Variants in SLC24A3 observed in about 807,000 individuals in gnomAD.
SLC24A3 encodes solute carrier family 24 member 3.
SLC24A3 carries 28 observed loss-of-function variants against 75.8 expected under a neutral mutation model. That is an observed-to-expected ratio of 0.37 (90% CI 0.27 to 0.51). The LOEUF (loss-of-function observed/expected upper bound fraction) is 0.51. SLC24A3 is among the 20% of genes least tolerant of loss of function. The pLI, the probability that SLC24A3 is intolerant of heterozygous loss-of-function variation, is 0.94. For missense variants in SLC24A3, 663 were observed against 847.8 expected (o/e 0.78, Z 2.71); for synonymous variants, 372 against 334.1 (o/e 1.11, Z -1.24).
At chr20:19,298,269 C>A (rs746970543) in intron 2 of SLC24A3, among the ~76,000 whole-genome samples, 1 of 152,222 alleles carries the variant, frequency 6.6e-6, no homozygotes, top group Non-Finnish European at 1.5e-5. Flanking sequence ...GGAATACGAT[C>A]GTCATTTTTT....
chr20:19,435,492 TA>T (rs1472928423), intron 2 of SLC24A3, among the ~76,000 whole-genome samples: 1 of 152,246 alleles, frequency 6.6e-6, no homozygotes, highest in Non-Finnish European at 1.5e-5. Flanking sequence ...ATCTGCCCAC[TA>T]AAATGTTAGG....
At chr20:19,658,049 G>A (rs1381396259) in intron 7 of SLC24A3, among the ~76,000 whole-genome samples, 1 of 152,102 alleles carries the variant, frequency 6.6e-6, no homozygotes, top group East Asian at 1.9e-4. Flanking sequence ...TGTAACTGTC[G>A]GTGTCCTGAG....
intron 2 of SLC24A3, among the ~76,000 whole-genome samples, chr20:19,420,420 G>C (rs1228636060): frequency 7.7e-6 from 1 of 130,454 alleles, no homozygotes; most frequent in East Asian, 2.4e-4. Flanking sequence ...TTCCACAATG[G>C]TTGAACTAGT....
At chr20:19,686,974 T>C (rs1331242233) in intron 12 of SLC24A3, among the ~76,000 whole-genome samples, 1 of 152,260 alleles carries the variant, frequency 6.6e-6, no homozygotes, top group Non-Finnish European at 1.5e-5. Context: ...AAGGATTAAA[T>C]GGCAAAACAC....
chr20:19,651,035 T>G (rs1195090557), intron 6 of SLC24A3, among the ~76,000 whole-genome samples: 2 of 152,158 alleles, frequency 1.3e-5, no homozygotes, highest in Non-Finnish European at 2.9e-5. Flanking sequence ...TTCTAAATTC[T>G]CCCTTCACTG....
intron 2 of SLC24A3, among the ~76,000 whole-genome samples, chr20:19,337,510 T>C (rs1247217487): frequency 6.6e-6 from 1 of 152,112 alleles, no homozygotes; most frequent in Non-Finnish European, 1.5e-5. Context: ...CACATGGTAG[T>C]TCTTCTTGAA....
chr20:19,280,838 T>C, intron 1 of SLC24A3, 121 bp from the exon 2 acceptor site: 1 of 1,387,934 alleles, frequency 7.2e-7, no homozygotes, highest in Non-Finnish European at 9.8e-7. Context: ...AGAGGCAGAG[T>C]GGCTGGGGGT....
chr20:19,430,532 C>G (rs777009205), intron 2 of SLC24A3, among the ~76,000 whole-genome samples: 40 of 152,158 alleles, frequency 2.6e-4, no homozygotes, highest in South Asian at 2.3e-3. Context: ...AATTTAAAAA[C>G]AGAACGTGGA....
At chr20:19,448,287 T>C (rs1987420157) in intron 2 of SLC24A3, among the ~76,000 whole-genome samples, 1 of 152,272 alleles carries the variant, frequency 6.6e-6, no homozygotes, top group Non-Finnish European at 1.5e-5. Context: ...ATAGCTACTA[T>C]GTATCGGGTA....
intron 3 of SLC24A3, among the ~76,000 whole-genome samples, chr20:19,564,494 G>A (rs193299887): frequency 1.0e-3 from 155 of 151,930 alleles, no homozygotes; most frequent in Middle Eastern, 6.8e-3. Context: ...AATCACTATC[G>A]TCACCATCAT....
At chr20:19,455,411 C>G (rs1031507909) in intron 2 of SLC24A3, among the ~76,000 whole-genome samples, 1 of 152,214 alleles carries the variant, frequency 6.6e-6, no homozygotes, top group African/African-American at 2.4e-5. Flanking sequence ...TCCCATGTTG[C>G]CTCAGCCTAC....
chr20:19,693,552 C>A, intron 13 of SLC24A3, 127 bp downstream of exon 13: 1 of 1,202,746 alleles, frequency 8.3e-7, no homozygotes, highest in Non-Finnish European at 1.1e-6. Flanking sequence ...CACAACGAAC[C>A]ACTCCTAAAC....
intron 7 of SLC24A3, among the ~76,000 whole-genome samples, chr20:19,655,426 A>G (rs999901363): frequency 1.3e-5 from 2 of 152,168 alleles, no homozygotes; most frequent in Non-Finnish European, 2.9e-5. Flanking sequence ...TGGGAAGAAC[A>G]TTGAAATAGG....
At chr20:19,547,731 C>A (rs1438126313) in intron 3 of SLC24A3, among the ~76,000 whole-genome samples, 1 of 152,256 alleles carries the variant, frequency 6.6e-6, no homozygotes, top group Non-Finnish European at 1.5e-5. Context: ...CTGAGCCCAG[C>A]TCAGATGCAG....
chr20:19,475,160 A>G (rs1470268255), intron 2 of SLC24A3, among the ~76,000 whole-genome samples: 3 of 152,130 alleles, frequency 2.0e-5, no homozygotes, highest in Admixed American at 2.0e-4. Flanking sequence ...AACATGGTGA[A>G]ACCCCATCTT....
intron 2 of SLC24A3, among the ~76,000 whole-genome samples, chr20:19,339,383 A>T (rs1468377662): frequency 1.3e-5 from 2 of 152,222 alleles, no homozygotes; most frequent in Admixed American, 1.3e-4. Flanking sequence ...CAGTAAGAAT[A>T]TTAATTCCTA....
At chr20:19,417,352 A>T (rs973478620) in intron 2 of SLC24A3, among the ~76,000 whole-genome samples, 1 of 152,224 alleles carries the variant, frequency 6.6e-6, no homozygotes, top group Non-Finnish European at 1.5e-5. Flanking sequence ...CACGGAAATG[A>T]TAATAACATA....
At chr20:19,535,658 A>G (rs2030382440) in intron 3 of SLC24A3, among the ~76,000 whole-genome samples, 1 of 152,134 alleles carries the variant, frequency 6.6e-6, no homozygotes, top group Admixed American at 6.5e-5. Flanking sequence ...GTCTTAGGGG[A>G]GGTGATTTGC....
At chr20:19,258,481 G>A (rs868026672) in intron 1 of SLC24A3, among the ~76,000 whole-genome samples, 4 of 152,184 alleles carry the variant, frequency 2.6e-5, no homozygotes, top group Non-Finnish European at 4.4e-5. Flanking sequence ...TGAGGTGGGC[G>A]GATCACGAGG....
Sources: gnomAD v4.1 joint callset for allele counts (sites outside exome capture counted in the v4.1 genomes callset) on GRCh38, gnomAD v4.1.1 for gene constraint, MANE v1.5 for transcripts, NCBI Gene and HGNC (gene_info 2026-07-23, HGNC 2026-07-21) for gene names.